Variants in PHACTR1 observed in about 807,000 individuals in gnomAD.
The protein encoded by PHACTR1 is phosphatase and actin regulator 1.
In PHACTR1, 16 loss-of-function variants were observed where a neutral mutation model predicts 69.2. The ratio of observed to expected loss-of-function variants is 0.23; its 90% CI spans 0.16 to 0.35. The LOEUF (loss-of-function observed/expected upper bound fraction) is 0.35, where lower values mean the gene tolerates loss of function less well. PHACTR1 is among the 10% of genes least tolerant of loss of function. The pLI is 1.00. For missense variants in PHACTR1, 510 were observed against 734.7 expected (o/e 0.69, Z 3.54); for synonymous variants, 312 against 284.5 (o/e 1.10, Z -0.97).
At chr6:12,892,153 G>C (rs1216210683) in intron 4 of PHACTR1, among the ~76,000 whole-genome samples, 1 of 86,470 alleles carries the variant, frequency 1.2e-5, no homozygotes, top group Non-Finnish European at 2.8e-5. Context: ...AGCTCCTCTT[G>C]TCTTGGGATA....
chr6:12,934,566 T>TG (rs1232370137), intron 4 of PHACTR1, among the ~76,000 whole-genome samples: 1 of 152,206 alleles, frequency 6.6e-6, no homozygotes, highest in Non-Finnish European at 1.5e-5. Flanking sequence ...CCGGGTGTGG[T>TG]GGCTCACGCC....
chr6:13,241,784 G>C (rs923090827), intron 10 of PHACTR1, among the ~76,000 whole-genome samples: 5 of 151,984 alleles, frequency 3.3e-5, no homozygotes, highest in African/African-American at 1.2e-4. Flanking sequence ...AGCATTTTGG[G>C]AGGCCGGGGC....
At chr6:12,769,497 T>C (rs113030748) in intron 4 of PHACTR1, among the ~76,000 whole-genome samples, 2,857 of 152,346 alleles carry the variant, frequency 0.019, 59 homozygotes, top group South Asian at 0.064. Context: ...TCTCTATGTA[T>C]GGGACCTTGA....
At chr6:12,756,052 C>T (rs1335191719) in intron 4 of PHACTR1, among the ~76,000 whole-genome samples, 2 of 152,116 alleles carry the variant, frequency 1.3e-5, no homozygotes, top group Non-Finnish European at 2.9e-5. Flanking sequence ...GGCAGAGGCA[C>T]ATTAATACAT....
In PHACTR1 at chr6:13,238,308, G is replaced by A. The variant is rs542811908; in HGVS notation, c.1391+8115G>A. ...GTAGTTTTCTCCTTCGTAAAGGACC[G>A]AAATTCTTCCTCTTTTCTCTCCTCC... On this transcript the variant is annotated intron_variant, in intron 10 of 14. Transcript: ENST00000332995. Among the ~76,000 whole-genome samples the A allele has an allele frequency of 2.6e-4, 40 of 152,250 alleles. No homozygotes were observed. The East Asian group carries it at 3.3e-3, about 12-fold the overall frequency.
chr6:12,773,595 T>C (rs962310828), intron 4 of PHACTR1, among the ~76,000 whole-genome samples: 5 of 152,204 alleles, frequency 3.3e-5, no homozygotes, highest in African/African-American at 1.2e-4. Flanking sequence ...CAGAAGGCTG[T>C]CAGTTAATCT....
chr6:12,844,163 G>A, intron 4 of PHACTR1, among the ~76,000 whole-genome samples: 1 of 152,172 alleles, frequency 6.6e-6, no homozygotes, highest in Non-Finnish European at 1.5e-5. Context: ...GAGAGCCTGA[G>A]GCAGGATAAC....
chr6:12,906,224 A>G (rs954758179), intron 4 of PHACTR1, among the ~76,000 whole-genome samples: 5 of 151,984 alleles, frequency 3.3e-5, no homozygotes, highest in Non-Finnish European at 7.4e-5. Flanking sequence ...GCATTCGACT[A>G]TAGAATTACT....
intron 4 of PHACTR1, among the ~76,000 whole-genome samples, chr6:12,846,388 T>C (rs1270598785): frequency 6.6e-6 from 1 of 152,200 alleles, no homozygotes; most frequent in African/African-American, 2.4e-5. Context: ...TCCTTCAAAA[T>C]AGTGACAGTT....
intron 4 of PHACTR1, among the ~76,000 whole-genome samples, chr6:12,771,728 G>A (rs544155916): frequency 1.9e-4 from 29 of 152,270 alleles, no homozygotes; most frequent in Middle Eastern, 3.4e-3. Context: ...AGTTAAGGAA[G>A]CTCTATGCTA....
At chr6:13,081,685 G>C (rs1256145807) in intron 5 of PHACTR1, among the ~76,000 whole-genome samples, 1 of 152,020 alleles carries the variant, frequency 6.6e-6, no homozygotes, top group Non-Finnish European at 1.5e-5. Context: ...TAATTAGCCA[G>C]GTGTGCAGAT....
At chr6:12,999,463 G>A (rs1303495150) in intron 4 of PHACTR1, among the ~76,000 whole-genome samples, 3 of 152,160 alleles carry the variant, frequency 2.0e-5, no homozygotes, top group African/African-American at 7.2e-5. Context: ...AGCCGGGCGT[G>A]GTGGCAGGCC....
At chr6:12,742,089 T>A (rs1765123797) in intron 3 of PHACTR1, among the ~76,000 whole-genome samples, 1 of 148,842 alleles carries the variant, frequency 6.7e-6, no homozygotes, top group South Asian at 2.1e-4. Context: ...TTGGGGGGGA[T>A]TTTTTGTCTG....
chr6:12,888,460 G>A (rs1341291972), intron 4 of PHACTR1, among the ~76,000 whole-genome samples: 1 of 152,102 alleles, frequency 6.6e-6, no homozygotes, highest in Non-Finnish European at 1.5e-5. Flanking sequence ...TCATTTAACA[G>A]AAAAGTTTTG....
chr6:12,933,868 T>C (rs1789150529), intron 4 of PHACTR1: 1 of 1,612,572 alleles, frequency 6.2e-7, no homozygotes, highest in South Asian at 1.1e-5. Context: ...TTTGGCTGCC[T>C]TTAGAGGGGG....
chr6:12,856,252 TTTC>T (rs144645382), intron 4 of PHACTR1, among the ~76,000 whole-genome samples: 116 of 81,800 alleles, frequency 1.4e-3, no homozygotes, highest in East Asian at 0.011. Context: ...TCTTTCTTTC[TTTC>T]TTTTTTTTTT....
chr6:12,855,701 A>G (rs1266576148), intron 4 of PHACTR1, among the ~76,000 whole-genome samples: 1 of 152,170 alleles, frequency 6.6e-6, no homozygotes, highest in Non-Finnish European at 1.5e-5. Flanking sequence ...TATTATGTTC[A>G]CTATCTGGGC....
intron 8 of PHACTR1, among the ~76,000 whole-genome samples, chr6:13,218,918 G>GAGAAGAGAAGA (rs1768167798): frequency 6.8e-6 from 1 of 146,812 alleles, no homozygotes; most frequent in African/African-American, 2.5e-5. Flanking sequence ...GAAGAGAAAA[G>GAGAAGAGAAGA]GTAGAAAAAG....
In PHACTR1 at chr6:13,244,300, C is replaced by T. The variant is rs562180739; in HGVS notation, c.1391+14107C>T. ...TATCACAAGGCAAGTGGAGGCAGGG[C>T]GAGATCACAGGACCACAGCTGCCAG... is the stretch of plus-strand genomic sequence containing the variant. On this transcript the variant is annotated intron_variant, in intron 10 of 14. Transcript: ENST00000332995. Among the ~76,000 whole-genome samples the T allele has an allele frequency of 3.9e-5, 6 of 152,140 alleles. No homozygotes were observed. In the South Asian group the frequency reaches 6.2e-4, roughly 16 times the overall value.
Sources: gnomAD v4.1 joint callset for allele counts (sites outside exome capture counted in the v4.1 genomes callset) on GRCh38, gnomAD v4.1.1 for gene constraint, MANE v1.5 for transcripts, NCBI Gene and HGNC (gene_info 2026-07-23, HGNC 2026-07-21) for gene names.